Variants in TTC7B observed in about 807,000 individuals in gnomAD.
TTC7B encodes tetratricopeptide repeat protein 7B.
Under a neutral mutation model 106.8 loss-of-function variants are expected in TTC7B, and 28 were observed. The observed-to-expected ratio is 0.26, with a 90% CI of 0.19 to 0.36. TTC7B has a LOEUF of 0.36. TTC7B is among the 10% of genes least tolerant of loss of function. The probability of loss-of-function intolerance (pLI) is 1.00; values close to 1 mark genes in which losing one functional copy is unlikely to be tolerated. For missense variants in TTC7B, 862 were observed against 1,076.4 expected (o/e 0.80, Z 2.79); for synonymous variants, 405 against 430.6 (o/e 0.94, Z 0.74).
intron 15 of TTC7B, among the ~76,000 whole-genome samples, chr14:90,642,910 T>A (rs1885245280): frequency 6.6e-6 from 1 of 152,060 alleles, no homozygotes; most frequent in Admixed American, 6.5e-5. Flanking sequence ...AAGCCCTCAG[T>A]AACTCAGGAC....
chr14:90,682,631 G>T (rs1489412739), intron 7 of TTC7B, among the ~76,000 whole-genome samples: 1 of 152,196 alleles, frequency 6.6e-6, no homozygotes, highest in Non-Finnish European at 1.5e-5. Context: ...CTCAGGGGGA[G>T]ATACTGGGGT....
intron 5 of TTC7B, among the ~76,000 whole-genome samples, chr14:90,718,810 A>T (rs536768076): frequency 1.8e-5 from 2 of 110,990 alleles, no homozygotes; most frequent in Non-Finnish European, 4.1e-5. Context: ...ACACTGGGGC[A>T]TACAGGTACA....
chr14:90,680,608 T>A (rs1887015613), intron 7 of TTC7B, 73 bp from the exon 8 acceptor site: 4 of 1,105,766 alleles, frequency 3.6e-6, no homozygotes, highest in Non-Finnish European at 5.4e-6. Flanking sequence ...AACTGAACAC[T>A]AAAAGCTTCC....
chr14:90,577,962 G>T lies in TTC7B; in HGVS notation c.2310+144C>A. On this transcript the variant is annotated intron_variant, in intron 19 of 19. Transcript: ENST00000328459. The surrounding 1 kb of genome is among the most constrained non-coding windows in gnomAD (Gnocchi z 5.0). ...ACTATGGTAGAAACGGTGCCCTCTG[G>T]CTTCAGGCCATGTGACAGCCTGGCA... is the stretch of plus-strand genomic sequence containing the variant. 1 of 1,039,736 alleles carries T rather than the reference G, an allele frequency of 9.6e-7. No individual in the cohort carries two copies. The highest frequency in any genetic ancestry group is 1.4e-6 in the Non-Finnish European group (1 of 716,024). The allele number at this position is 1,039,736 out of a possible 1,614,324, so 64.4% of individuals were successfully genotyped here.
At chr14:90,569,866 G>A (rs1890960650) in intron 19 of TTC7B, 1 of 152,324 alleles carries the variant, frequency 6.6e-6, no homozygotes. Context: ...GGACACACAT[G>A]TGGCCAGGGG....
intron 18 of TTC7B, among the ~76,000 whole-genome samples, chr14:90,579,655 C>T (rs1340551530): frequency 5.3e-5 from 8 of 152,026 alleles, no homozygotes; most frequent in Admixed American, 3.3e-4. Context: ...AAAAATTAGC[C>T]GGGCGTGGTG....
At chr14:90,694,278 A>G (rs1203423756) in intron 6 of TTC7B, among the ~76,000 whole-genome samples, 1 of 152,180 alleles carries the variant, frequency 6.6e-6, no homozygotes, top group Non-Finnish European at 1.5e-5. Flanking sequence ...CATTCCAGTT[A>G]TAGCAAATGC....
chr14:90,718,631 G>A (rs984131305), intron 5 of TTC7B, among the ~76,000 whole-genome samples: 13 of 151,952 alleles, frequency 8.6e-5, no homozygotes, highest in Non-Finnish European at 1.3e-4. Context: ...TGTCCTATTC[G>A]GCCTTAGATC....
chr14:90,739,989 C>G (rs1889694414), intron 4 of TTC7B, among the ~76,000 whole-genome samples: 1 of 152,238 alleles, frequency 6.6e-6, no homozygotes, highest in Non-Finnish European at 1.5e-5. Context: ...TATGCCATTT[C>G]TATCTGCTCT....
At chr14:90,679,588 G>A (rs896610798) in intron 8 of TTC7B, among the ~76,000 whole-genome samples, 7 of 152,202 alleles carry the variant, frequency 4.6e-5, no homozygotes, top group Admixed American at 1.3e-4. Context: ...CACGCATTCC[G>A]CCTGCTCTAG....
intron 17 of TTC7B, chr14:90,603,254 A>C: frequency 2.3e-6 from 3 of 1,289,566 alleles, no homozygotes; most frequent in Non-Finnish European, 3.0e-6. Flanking sequence ...ACTACTTACT[A>C]ACTGAAAAAA....
At chr14:90,596,763 G>T (rs1027293882) in intron 17 of TTC7B, among the ~76,000 whole-genome samples, 1 of 152,302 alleles carries the variant, frequency 6.6e-6, no homozygotes, top group African/African-American at 2.4e-5. Context: ...TGCGAACTAC[G>T]TCCTCAGGGT....
intron 4 of TTC7B, among the ~76,000 whole-genome samples, chr14:90,736,336 GC>G (rs1421766664): frequency 1.3e-5 from 2 of 152,014 alleles, no homozygotes; most frequent in Non-Finnish European, 1.5e-5. Flanking sequence ...ACTTTGGGAG[GC>G]CAAGGCAGGT....
intron 6 of TTC7B, among the ~76,000 whole-genome samples, chr14:90,690,827 C>T (rs1264635710): frequency 6.6e-6 from 1 of 152,146 alleles, no homozygotes; most frequent in Non-Finnish European, 1.5e-5. Context: ...CATATGAAAT[C>T]TCTTAAAACA....
intron 4 of TTC7B, 26 bp from the exon 5 acceptor site, chr14:90,730,222 T>A: frequency 6.3e-7 from 1 of 1,589,908 alleles, no homozygotes; most frequent in Non-Finnish European, 8.5e-7. Context: ...ATTGGAAAAC[T>A]AATCAGATGC....
At chr14:90,735,483 G>T (rs1001361469) in intron 4 of TTC7B, among the ~76,000 whole-genome samples, 2 of 151,462 alleles carry the variant, frequency 1.3e-5, no homozygotes, top group Admixed American at 6.6e-5. Context: ...CTCCAGCCTG[G>T]GTGACAGAGT....
chr14:90,552,254 G>A (rs1403415537), intron 19 of TTC7B, among the ~76,000 whole-genome samples: 1 of 152,234 alleles, frequency 6.6e-6, no homozygotes, highest in Admixed American at 6.5e-5. Context: ...CACCGGGCCA[G>A]TCAAGAGCAA....
chr14:90,813,088 C>G lies in TTC7B; in HGVS notation c.121+3087G>C, dbSNP rs137882878. Reference sequence around the variant, plus strand: ...TCGGCCTATCAGGCCCCGCCACTTTCTACCCATGAAGTTCCCTCCCTAGAA... The same window carrying G: ...TCGGCCTATCAGGCCCCGCCACTTTGTACCCATGAAGTTCCCTCCCTAGAA... On this transcript the variant is annotated intron_variant, in intron 1 of 19. Transcript: ENST00000328459. Among the ~76,000 whole-genome samples, 10 of 152,340 alleles carry G rather than the reference C, an allele frequency of 6.6e-5. No individual in the cohort carries two copies. The East Asian group carries it at 1.9e-3, about 29-fold the overall frequency.
intron 3 of TTC7B, among the ~76,000 whole-genome samples, chr14:90,745,159 G>T (rs1889914149): frequency 6.6e-6 from 1 of 151,984 alleles, no homozygotes; most frequent in African/African-American, 2.4e-5. Flanking sequence ...CGCCAGCTGT[G>T]GTGGCACCTA....
Sources: allele counts gnomAD v4.1 joint callset (sites outside exome capture counted in the v4.1 genomes callset), GRCh38; gene constraint gnomAD v4.1.1; non-coding constraint Gnocchi (gnomAD v3.1); transcripts MANE v1.5; gene names NCBI Gene and HGNC (gene_info 2026-07-23, HGNC 2026-07-21).